Variants in CCDC146 observed in about 807,000 individuals in gnomAD.
CCDC146 encodes the protein coiled-coil domain containing 146.
CCDC146 carries 92 observed loss-of-function variants against 119.3 expected under a neutral mutation model. The ratio of observed to expected loss-of-function variants is 0.77; its 90% CI spans 0.65 to 0.92. The LOEUF (loss-of-function observed/expected upper bound fraction) is 0.92. CCDC146 is among the 40% of genes least tolerant of loss of function. CCDC146 has a pLI of 0.00. For missense variants in CCDC146, 1,000 were observed against 1,103.0 expected (o/e 0.91, Z 1.32); for synonymous variants, 372 against 371.8 (o/e 1.00, Z -0.01).
intron 17 of CCDC146, among the ~76,000 whole-genome samples, chr7:77,289,631 G>T (rs187168240): frequency 2.0e-5 from 3 of 152,156 alleles, no homozygotes; most frequent in African/African-American, 7.2e-5. Context: ...TTACATAGTC[G>T]AACACGTAAG....
At chr7:77,161,903 T>C (rs894311068) in intron 1 of CCDC146, among the ~76,000 whole-genome samples, 53 of 152,236 alleles carry the variant, frequency 3.5e-4, no homozygotes, top group African/African-American at 1.1e-3. Flanking sequence ...TGGTTGGTAA[T>C]GTTGATGACC....
chr7:77,284,476 C>A (rs1793815432), intron 15 of CCDC146, among the ~76,000 whole-genome samples: 1 of 151,900 alleles, frequency 6.6e-6, no homozygotes, highest in Non-Finnish European at 1.5e-5. Context: ...AGATTTAGGT[C>A]CATCTTTGCC....
chr7:77,155,527 A>G (rs1584029697), intron 1 of CCDC146, among the ~76,000 whole-genome samples: 1 of 152,034 alleles, frequency 6.6e-6, no homozygotes, highest in African/African-American at 2.4e-5. Flanking sequence ...AATAGGAAAG[A>G]GTGAGGGATT....
intron 1 of CCDC146, among the ~76,000 whole-genome samples, chr7:77,134,854 AG>A (rs1194990157): frequency 6.6e-6 from 1 of 152,236 alleles, no homozygotes; most frequent in East Asian, 1.9e-4. Flanking sequence ...TGGAAAATGA[AG>A]ACATAAACAG....
chr7:77,209,653 T>G (rs1232994344), intron 2 of CCDC146, among the ~76,000 whole-genome samples: 1 of 152,208 alleles, frequency 6.6e-6, no homozygotes, highest in Non-Finnish European at 1.5e-5. Context: ...GTAGAGGTTC[T>G]CCATGAGGGC....
intron 4 of CCDC146, among the ~76,000 whole-genome samples, chr7:77,252,791 C>T (rs1319562626): frequency 6.6e-6 from 1 of 152,232 alleles, no homozygotes; most frequent in Admixed American, 6.5e-5. Flanking sequence ...TTGTTTCTCA[C>T]TCATAGCACA....
intron 15 of CCDC146, among the ~76,000 whole-genome samples, chr7:77,286,467 T>C (rs1412035825): frequency 6.6e-6 from 1 of 152,178 alleles, no homozygotes; most frequent in Non-Finnish European, 1.5e-5. Context: ...GGCTGTATAC[T>C]TGGAGCCCTG....
chr7:77,291,922 G>A (rs1366980689), intron 17 of CCDC146, among the ~76,000 whole-genome samples: 3 of 152,198 alleles, frequency 2.0e-5, no homozygotes, highest in Non-Finnish European at 4.4e-5. Context: ...TAAGCAAAGA[G>A]TAACGTTAAT....
At chr7:77,245,604 C>T (rs2150494334) in intron 4 of CCDC146, among the ~76,000 whole-genome samples, 1 of 152,292 alleles carries the variant, frequency 6.6e-6, no homozygotes, top group South Asian at 2.1e-4. Context: ...GTGACCCTGA[C>T]CTTGGTGACT....
At chr7:77,162,963 T>C (rs1352400657) in intron 1 of CCDC146, among the ~76,000 whole-genome samples, 3 of 152,338 alleles carry the variant, frequency 2.0e-5, no homozygotes, top group Non-Finnish European at 2.9e-5. Context: ...GCAAATACTT[T>C]ACTTGCTCTA....
At chr7:77,234,166 T>C (rs1792689501) in intron 2 of CCDC146, among the ~76,000 whole-genome samples, 1 of 152,130 alleles carries the variant, frequency 6.6e-6, no homozygotes. Context: ...TGTACCCATA[T>C]ACATACAAAC....
intron 2 of CCDC146, among the ~76,000 whole-genome samples, chr7:77,197,171 C>G (rs941513518): frequency 6.6e-6 from 1 of 152,192 alleles, no homozygotes; most frequent in African/African-American, 2.4e-5. Context: ...TGTTATAAAG[C>G]AGAAAGGACC....
At chr7:77,223,661 G>A (rs1312198312) in intron 2 of CCDC146, among the ~76,000 whole-genome samples, 2 of 152,250 alleles carry the variant, frequency 1.3e-5, no homozygotes, top group Non-Finnish European at 2.9e-5. Flanking sequence ...ATAAATTGCA[G>A]TGGAAGTGAG....
At chr7:77,155,597 C>T (rs1306047443) in intron 1 of CCDC146, among the ~76,000 whole-genome samples, 3 of 152,092 alleles carry the variant, frequency 2.0e-5, no homozygotes, top group Non-Finnish European at 4.4e-5. Flanking sequence ...TGATCTTGGG[C>T]ACATCATTTA....
At chr7:77,273,923 T>C (rs1793575877) in intron 10 of CCDC146, 134 bp downstream of exon 10, 3 of 498,054 alleles carry the variant, frequency 6.0e-6, no homozygotes, top group Middle Eastern at 3.1e-4. Flanking sequence ...TGTGGGCATA[T>C]TTCTTCATCT....
At chr7:77,240,007 G>A (rs533061520) in intron 3 of CCDC146, among the ~76,000 whole-genome samples, 36 of 152,124 alleles carry the variant, frequency 2.4e-4, no homozygotes, top group African/African-American at 4.6e-4. Flanking sequence ...TCATAATTGC[G>A]TATGGGAATT....
rs1282759665 is a variant in CCDC146, at chr7:77,236,932, T to G, written c.157-15T>G. 34 of 1,599,174 alleles carry G rather than the reference T, an allele frequency of 2.1e-5. No homozygotes were observed. The highest frequency in any genetic ancestry group is 2.8e-5 in the Non-Finnish European group (33 of 1,166,364). ...AGAATGGTGATTAACAGTGACCTTA[T>G]GTTCTCTTTGCTAGTTACATGCTAT... On this transcript the variant is annotated splice_polypyrimidine_tract_variant and intron_variant, in intron 2 of 18. Coordinates refer to ENST00000285871, the MANE Select transcript of CCDC146 (RefSeq NM_020879.3).
rs115212189 is a variant in CCDC146, at chr7:77,206,998, T to C, written c.157-29949T>C. Among the ~76,000 whole-genome samples the C allele has an allele frequency of 8.5e-3, 1,293 of 152,266 alleles. 20 individuals are homozygous for C. The highest frequency in any genetic ancestry group is 0.029 in the African/African-American group (1,214 of 41,556). On this transcript the variant is annotated intron_variant, in intron 2 of 18. Transcript: ENST00000285871. ...CATTGCATTCTTTGAAATTCTTTTT[T>C]TTAAAGATTCTTAACTTTATCTTAT...
chr7:77,199,337 C>T (rs1331716822), intron 2 of CCDC146: 8 of 1,614,094 alleles, frequency 5.0e-6, no homozygotes, highest in Non-Finnish European at 6.8e-6. Context: ...CCATGAAGTA[C>T]ATTGATCTCC....
Sources: gnomAD v4.1 joint callset for allele counts (sites outside exome capture counted in the v4.1 genomes callset) on GRCh38, gnomAD v4.1.1 for gene constraint, MANE v1.5 for transcripts, NCBI Gene and HGNC (gene_info 2026-07-23, HGNC 2026-07-21) for gene names.